Variants in PLEKHG1 observed in about 807,000 individuals in gnomAD.
PLEKHG1 encodes pleckstrin homology and RhoGEF domain containing G1, also known as pleckstrin homology domain-containing family G member 1.
A neutral mutation model predicts 100.8 loss-of-function variants in PLEKHG1; 44 were observed. The ratio of observed to expected loss-of-function variants is 0.44; its 90% confidence interval spans 0.34 to 0.56. PLEKHG1 has a LOEUF of 0.56. PLEKHG1 is among the 20% of genes least tolerant of loss of function. The probability of loss-of-function intolerance (pLI) is 0.01; values close to 1 mark genes in which losing one functional copy is unlikely to be tolerated. For synonymous variants in PLEKHG1, 640 were observed against 662.5 expected, an observed-to-expected ratio of 0.97 and a Z score of 0.52; for missense variants, 1,545 against 1,720.9, an observed-to-expected ratio of 0.90 and a Z score of 1.81.
chr6:150,702,615 C>G (rs1780845055), intron 3 of PLEKHG1, among the ~76,000 whole-genome samples: 1 of 140,106 alleles, frequency 7.1e-6, no homozygotes, highest in African/African-American at 3.0e-5. Context: ...TCATCCAGTA[C>G]CCAAATTGTA....
intron 4 of PLEKHG1, among the ~76,000 whole-genome samples, chr6:150,792,693 A>C (rs9397023): frequency 0.16 from 24,736 of 151,698 alleles, 3,718 homozygotes; most frequent in African/African-American, 0.39. Flanking sequence ...ACAACAACAA[A>C]AAAAAACCAC....
At position 150,831,688 on chromosome 6, in the gene PLEKHG1, A is replaced by G; in HGVS notation, c.2577A>G (p.Ala859=). 1 of 1,613,044 alleles carries G rather than the reference A, an allele frequency of 6.2e-7. No homozygotes were observed. The highest frequency in any genetic ancestry group is 8.5e-7 in the Non-Finnish European group (1 of 1,180,030). ...ACAAGGCCAGAGACCGTCTCCTGGCAGCGTTTCCTGTGAGCAAGGATGATG... is the reference window on the plus strand; with the variant it reads ...ACAAGGCCAGAGACCGTCTCCTGGCGGCGTTTCCTGTGAGCAAGGATGATG... Residue 859 remains alanine, a synonymous_variant, in exon 15 of 16, where the codon GCA becomes GCG. Transcript: ENST00000358517. This position sits in a 1 kb window ranked among gnomAD's most constrained non-coding sequence, Gnocchi z 4.1.
intron 14 of PLEKHG1, among the ~76,000 whole-genome samples, chr6:150,828,559 C>CT (rs201262794): frequency 5.4e-5 from 8 of 147,044 alleles, no homozygotes; most frequent in African/African-American, 1.7e-4. Flanking sequence ...TTTTGGAACT[C>CT]TTTTTTTTAA....
chr6:150,789,543 A>G (rs938343649), intron 4 of PLEKHG1, among the ~76,000 whole-genome samples: 1 of 152,226 alleles, frequency 6.6e-6, no homozygotes. Context: ...CAGAAATTCA[A>G]TCGTGCAGAA....
intron 1 of PLEKHG1, among the ~76,000 whole-genome samples, chr6:150,612,476 G>A (rs1776894752): frequency 6.6e-6 from 1 of 152,068 alleles, no homozygotes; most frequent in Non-Finnish European, 1.5e-5. Flanking sequence ...GGGATTACAG[G>A]CGCCTGCCAT....
intron 14 of PLEKHG1, among the ~76,000 whole-genome samples, chr6:150,828,757 T>G (rs1776751370): frequency 6.6e-6 from 1 of 152,218 alleles, no homozygotes; most frequent in African/African-American, 2.4e-5. Context: ...TTATTACACT[T>G]TAAAAATGTT....
chr6:150,803,131 C>T (rs991541014), intron 6 of PLEKHG1, among the ~76,000 whole-genome samples: 5 of 151,936 alleles, frequency 3.3e-5, no homozygotes, highest in Non-Finnish European at 7.4e-5. Context: ...AGTCCAAGCA[C>T]GGAAAGAAAA....
At chr6:150,615,136 AG>A (rs1777012342) in intron 1 of PLEKHG1, among the ~76,000 whole-genome samples, 1 of 152,210 alleles carries the variant, frequency 6.6e-6, no homozygotes, top group African/African-American at 2.4e-5. Flanking sequence ...CAGTTTAGAT[AG>A]AAGGTTTGTT....
chr6:150,798,336 T>C (rs1429280404), intron 5 of PLEKHG1, among the ~76,000 whole-genome samples: 5 of 152,216 alleles, frequency 3.3e-5, no homozygotes, highest in Non-Finnish European at 7.3e-5. Flanking sequence ...TGGGGAATTA[T>C]GTTTCTATAA....
At chr6:150,696,665 G>A (rs1780556296) in intron 3 of PLEKHG1, among the ~76,000 whole-genome samples, 1 of 152,144 alleles carries the variant, frequency 6.6e-6, no homozygotes, top group Non-Finnish European at 1.5e-5. Flanking sequence ...ATTGGCTCAT[G>A]AGCATAATTT....
chr6:150,648,450 G>A (rs1778586777), intron 2 of PLEKHG1, among the ~76,000 whole-genome samples: 1 of 152,000 alleles, frequency 6.6e-6, no homozygotes, highest in Admixed American at 6.6e-5. Flanking sequence ...TTTACCCCAT[G>A]CCATTTTGTC....
chr6:150,737,283 T>TCC (rs1491013600), intron 2 of PLEKHG1, among the ~76,000 whole-genome samples: 4 of 28,748 alleles, frequency 1.4e-4, no homozygotes, highest in Admixed American at 2.7e-4. Context: ...ATATGGGTAT[T>TCC]TTTTTTTTTT....
chr6:150,690,311 A>ACTTGGAG lies in PLEKHG1; in HGVS notation c.-99+39526_-99+39527insTTGGAGC, dbSNP rs1352556049. On this transcript the variant is annotated intron_variant, in intron 3 of 3. Coordinates refer to the PLEKHG1 transcript ENST00000367326. ...TGTGTGGGATCCTGGTGCGCCCATC[A>ACTTGGAG]CCCAAGCAGCATACACTGCACCACA... 7.9e-5 allele frequency among the ~76,000 whole-genome samples: 12 copies of ACTTGGAG among 151,756 alleles called. No homozygotes were observed. The East Asian group carries it at 2.3e-3, about 30-fold the overall frequency.
Position 150,768,747 on chromosome 6 carries a change from A to C in PLEKHG1, c.512+9A>C. 1 of 1,441,192 alleles carries C rather than the reference A, an allele frequency of 6.9e-7. No homozygotes were observed. Among genetic ancestry groups the C allele is most frequent in the South Asian group, 1.1e-5 (1 of 87,232 alleles). 89.3% of individuals were successfully genotyped at this position (1,441,192 alleles called of 1,614,324 possible). On this transcript the variant is annotated intron_variant, in intron 3 of 15. Coordinates refer to ENST00000358517, the Ensembl canonical transcript of PLEKHG1. ...ATCTACCACTTCAATAGGTAAGTTA[A>C]TATTCAAAAGATTGTTCTCACATAC...
intron 3 of PLEKHG1, among the ~76,000 whole-genome samples, chr6:150,772,215 TAAG>T (rs770261637): frequency 2.6e-4 from 40 of 152,172 alleles, no homozygotes; most frequent in Admixed American, 1.0e-3. Context: ...AACATGGAAT[TAAG>T]AAGAGATGTG....
intron 2 of PLEKHG1, among the ~76,000 whole-genome samples, chr6:150,759,996 AAAAT>A (rs1168441520): frequency 3.3e-5 from 5 of 152,208 alleles, no homozygotes; most frequent in African/African-American, 4.8e-5. Flanking sequence ...TCTCTAAACA[AAAAT>A]AAAGAAAAAA....
intron 2 of PLEKHG1, among the ~76,000 whole-genome samples, chr6:150,648,873 T>A (rs1217704560): frequency 1.3e-5 from 2 of 152,170 alleles, no homozygotes; most frequent in Non-Finnish European, 2.9e-5. Flanking sequence ...CACAAGGATA[T>A]TTTTATATAG....
chr6:150,602,946 T>G (rs917044098), intron 1 of PLEKHG1, among the ~76,000 whole-genome samples: 1 of 151,040 alleles, frequency 6.6e-6, no homozygotes, highest in East Asian at 1.9e-4. Flanking sequence ...CCGGGCGAGG[T>G]GGCGGGCACC....
Position 150,600,126 on chromosome 6 carries a change from C to G in PLEKHG1, c.-204+109C>G. 6.3e-6 allele frequency: 1 copy of G among 158,180 alleles called. No individual in the cohort carries two copies. Among genetic ancestry groups the G allele is most frequent in the South Asian group, 1.3e-4 (1 of 7,552 alleles). 9.8% of individuals were successfully genotyped at this position (158,180 alleles called of 1,614,324 possible). Reference sequence around the variant, plus strand: ...CATCCGCAGGTGGGGCCGGGCGGAGCGTGGTACCCGGGCCCCGCCGGCCCC... The same window carrying G: ...CATCCGCAGGTGGGGCCGGGCGGAGGGTGGTACCCGGGCCCCGCCGGCCCC... On this transcript the variant is annotated intron_variant, in intron 1 of 3. Coordinates refer to the PLEKHG1 transcript ENST00000367326. The surrounding 1 kb of genome is among the most constrained non-coding windows in gnomAD (Gnocchi z 6.2).
Sources: allele counts gnomAD v4.1 joint callset (sites outside exome capture counted in the v4.1 genomes callset), GRCh38; gene constraint gnomAD v4.1.1; non-coding constraint Gnocchi (gnomAD v3.1); transcripts MANE v1.5; gene names NCBI Gene and HGNC (gene_info 2026-07-23, HGNC 2026-07-21).